The following B3GALT1 variants were observed in gnomAD, a reference collection of about 807,000 sequenced individuals.
The protein encoded by B3GALT1 is beta-1,3-galactosyltransferase 1.
Under a neutral mutation model 23.2 loss-of-function variants are expected in B3GALT1, and 10 were observed. The observed-to-expected ratio is 0.43, with a 90% CI of 0.27 to 0.73. The LOEUF (loss-of-function observed/expected upper bound fraction) is 0.73. B3GALT1 is among the 30% of genes least tolerant of loss of function. The pLI is 0.21. For missense variants in B3GALT1, 299 were observed against 405.4 expected, an observed-to-expected ratio of 0.74 and a Z score of 2.25; for synonymous variants, 156 against 141.5, an observed-to-expected ratio of 1.10 and a Z score of -0.73.
intron 1 of B3GALT1, among the ~76,000 whole-genome samples, chr2:167,462,420 C>A (rs1699272791): frequency 6.6e-6 from 1 of 152,134 alleles, no homozygotes; most frequent in African/African-American, 2.4e-5. Context: ...GAGAAAATGG[C>A]AAATGTAATA....
intron 1 of B3GALT1, among the ~76,000 whole-genome samples, chr2:167,470,901 G>A (rs1023658586): frequency 2.0e-5 from 3 of 152,044 alleles, no homozygotes; most frequent in African/African-American, 7.3e-5. Context: ...CTATTATAGG[G>A]GCACATTCAG....
chr2:167,798,654 A>T (rs1272689734), intron 3 of B3GALT1, among the ~76,000 whole-genome samples: 2 of 152,104 alleles, frequency 1.3e-5, no homozygotes, highest in Non-Finnish European at 2.9e-5. Context: ...GTCTATTTTT[A>T]TACCAGTTCC....
chr2:167,308,055 A>G (rs1016897777), intron 1 of B3GALT1, among the ~76,000 whole-genome samples: 2 of 152,072 alleles, frequency 1.3e-5, no homozygotes, highest in African/African-American at 4.8e-5. Flanking sequence ...TTAGTAACAC[A>G]AAATAATTGT....
At chr2:167,511,340 G>C (rs566761316) in intron 2 of B3GALT1, among the ~76,000 whole-genome samples, 16 of 152,236 alleles carry the variant, frequency 1.1e-4, no homozygotes, top group African/African-American at 2.9e-4. Flanking sequence ...CTGTTCTTGT[G>C]ATATGGAATT....
intron 1 of B3GALT1, among the ~76,000 whole-genome samples, chr2:167,320,282 T>A (rs1309222550): frequency 2.6e-5 from 4 of 151,472 alleles, no homozygotes; most frequent in Non-Finnish European, 5.9e-5. Context: ...CTGTGCCTAC[T>A]GGGTTCAAGA....
At position 167,576,520 on chromosome 2, in the gene B3GALT1, G is replaced by GT. The variant is rs67961883; in HGVS notation, c.-409-70378dup. Among the ~76,000 whole-genome samples the GT allele has an allele frequency of 6.6e-3, 810 of 122,396 alleles. 7 individuals carry two copies. Among genetic ancestry groups the GT allele is most frequent in the African/African-American group, 0.02 (647 of 32,884 alleles). The allele number at this position is 122,396 out of a possible 152,430, so 80.3% of individuals were successfully genotyped here. On this transcript the variant is annotated intron_variant, in intron 2 of 4. Coordinates refer to ENST00000392690, the MANE Select transcript of B3GALT1 (RefSeq NM_020981.4). Reference sequence around the variant, plus strand: ...AAAGTAACTCGTTTTTTGTTTTTCTGTTTTTTTTTTTGTTTTTTTTTTTTG... The same window carrying GT: ...AAAGTAACTCGTTTTTTGTTTTTCTGTTTTTTTTTTTTGTTTTTTTTTTTTG...
intron 2 of B3GALT1, among the ~76,000 whole-genome samples, chr2:167,563,108 C>T (rs937564903): frequency 1.3e-5 from 2 of 152,234 alleles, no homozygotes; most frequent in African/African-American, 4.8e-5. Context: ...CTTTCCCCCC[C>T]TTCCATTCCA....
At chr2:167,858,812 C>G (rs1335949039) in intron 4 of B3GALT1, among the ~76,000 whole-genome samples, 1 of 152,026 alleles carries the variant, frequency 6.6e-6, no homozygotes, top group Non-Finnish European at 1.5e-5. Flanking sequence ...GAAAAATCGC[C>G]AAGTCTGTTC....
At chr2:167,793,151 C>T (rs548557842) in intron 3 of B3GALT1, among the ~76,000 whole-genome samples, 58 of 152,316 alleles carry the variant, frequency 3.8e-4, no homozygotes, top group Middle Eastern at 6.8e-3. Flanking sequence ...GGCTCCCTTT[C>T]CCTCCATCTT....
rs139120647 is a variant in B3GALT1 at position 167,436,490 on chromosome 2, G to A, written c.-510-53687G>A. On this transcript the variant is annotated intron_variant, in intron 1 of 4. Transcript: ENST00000392690. The stretch of plus-strand genomic sequence containing the variant: ...ACCTACCCATCCCCTTACCCTGATT[G>A]AATGTCTTCATTGCTGTTAGTTACC... Among the ~76,000 whole-genome samples, 369 of 152,232 alleles carry A rather than the reference G, an allele frequency of 2.4e-3. 3 individuals carry two copies. Among genetic ancestry groups the A allele is most frequent in the South Asian group, 0.014 (68 of 4,816 alleles).
chr2:167,710,385 T>C (rs1353279812), intron 3 of B3GALT1, among the ~76,000 whole-genome samples: 1 of 152,194 alleles, frequency 6.6e-6, no homozygotes, highest in East Asian at 1.9e-4. Context: ...AACATCTAAT[T>C]TAAAACTTTT....
At chr2:167,775,469 T>G (rs994839087) in intron 3 of B3GALT1, among the ~76,000 whole-genome samples, 2 of 150,988 alleles carry the variant, frequency 1.3e-5, no homozygotes, top group African/African-American at 4.9e-5. Flanking sequence ...TTCGGGAGGC[T>G]GAGGCAGGAG....
At chr2:167,363,978 G>T (rs149236428) in intron 1 of B3GALT1, among the ~76,000 whole-genome samples, 1 of 151,864 alleles carries the variant, frequency 6.6e-6, no homozygotes, top group Non-Finnish European at 1.5e-5. Context: ...GGCCAACATG[G>T]TGAAACCCCG....
At chr2:167,647,697 A>G (rs1685772751) in intron 3 of B3GALT1, among the ~76,000 whole-genome samples, 1 of 152,136 alleles carries the variant, frequency 6.6e-6, no homozygotes, top group South Asian at 2.1e-4. Flanking sequence ...AAGTGGACTT[A>G]TTGTTCATGC....
At chr2:167,820,186 G>A (rs1027085495) in intron 4 of B3GALT1, among the ~76,000 whole-genome samples, 10 of 152,320 alleles carry the variant, frequency 6.6e-5, no homozygotes, top group South Asian at 2.1e-4. Context: ...GGATCTTAGC[G>A]TCCAATGGAG....
intron 3 of B3GALT1, among the ~76,000 whole-genome samples, chr2:167,806,552 C>A (rs1688759070): frequency 6.6e-6 from 1 of 152,072 alleles, no homozygotes; most frequent in South Asian, 2.1e-4. Flanking sequence ...TGTCAAAGGC[C>A]TTTTCTGCAT....
intron 1 of B3GALT1, among the ~76,000 whole-genome samples, chr2:167,334,538 T>C (rs1697023778): frequency 6.6e-6 from 1 of 152,204 alleles, no homozygotes. Flanking sequence ...AAATGTGGAC[T>C]AACATTGAAG....
chr2:167,600,852 A>G (rs374682260), intron 2 of B3GALT1, among the ~76,000 whole-genome samples: 10 of 151,414 alleles, frequency 6.6e-5, no homozygotes, highest in African/African-American at 2.2e-4. Context: ...ATGATGAATA[A>G]TGTTTTATCA....
In B3GALT1 at chr2:167,397,196, C is replaced by CTTCA. The variant is rs199601791; in HGVS notation, c.-510-92969_-510-92966dup. 7.2e-4 allele frequency among the ~76,000 whole-genome samples: 109 copies of CTTCA among 151,798 alleles called. 1 individual carries two copies. The East Asian group carries it at 0.017, about 24-fold the overall frequency. ...CTCTTATTCTGCTTGAAATTCCTTC[C>CTTCA]TTCATTCATTCATTCTTCCCTCTCT... On this transcript the variant is annotated intron_variant, in intron 1 of 4. Transcript: ENST00000392690.
Sources: allele counts gnomAD v4.1 joint callset (sites outside exome capture counted in the v4.1 genomes callset), GRCh38; gene constraint gnomAD v4.1.1; transcripts MANE v1.5; gene names NCBI Gene and HGNC (gene_info 2026-07-23, HGNC 2026-07-21).